The following NAALADL2 variants were observed in gnomAD, a reference collection of about 807,000 sequenced individuals.
NAALADL2 encodes the protein inactive N-acetylated-alpha-linked acidic dipeptidase-like protein 2.
In NAALADL2, 76 loss-of-function variants were observed where a neutral mutation model predicts 87.2. The ratio of observed to expected loss-of-function variants is 0.87; its 90% CI spans 0.72 to 1.05. The LOEUF (loss-of-function observed/expected upper bound fraction) is 1.05. Among genes scored for constraint, NAALADL2 ranks in the 50% least tolerant of loss-of-function variants. The pLI is 0.00. For missense variants in NAALADL2, 1,089 were observed against 945.8 expected, an observed-to-expected ratio of 1.15 and a Z score of -1.99; for synonymous variants, 354 against 331.0, an observed-to-expected ratio of 1.07 and a Z score of -0.75.
At chr3:175,535,922 A>G (rs1158711679) in intron 9 of NAALADL2, among the ~76,000 whole-genome samples, 5 of 152,154 alleles carry the variant, frequency 3.3e-5, no homozygotes, top group Non-Finnish European at 5.9e-5. Flanking sequence ...CACTTATGTG[A>G]AATGCACTAG....
In NAALADL2 at chr3:174,632,291, C is replaced by T. The variant is rs145756195; in HGVS notation, c.-115+81654C>T. Among the ~76,000 whole-genome samples, 462 of 152,154 alleles carry T rather than the reference C, an allele frequency of 3.0e-3. 5 individuals carry two copies. The highest frequency in any genetic ancestry group is 0.017 in the Middle Eastern group (5 of 292). On this transcript the variant is annotated intron_variant, in intron 2 of 3. Coordinates refer to the NAALADL2 transcript ENST00000434257. ...ACATTTTTGGGTACTGACTATTGAC[C>T]GTGCTCTATCCAGGCTTTGAGCAGT... is the stretch of plus-strand genomic sequence containing the variant.
intron 9 of NAALADL2, among the ~76,000 whole-genome samples, chr3:175,546,061 G>A (rs947078291): frequency 3.9e-5 from 6 of 152,124 alleles, no homozygotes; most frequent in African/African-American, 4.8e-5. Flanking sequence ...CAGTGAAGAA[G>A]GCAGCAGGGA....
chr3:175,215,042 C>T (rs1309762243), intron 2 of NAALADL2, among the ~76,000 whole-genome samples: 1 of 152,142 alleles, frequency 6.6e-6, no homozygotes, highest in Non-Finnish European at 1.5e-5. Context: ...TCAGCCACCA[C>T]AGCCCTCTTT....
At chr3:174,902,560 AGTAAACATTATCTAG>A (rs1247773388) in intron 1 of NAALADL2, among the ~76,000 whole-genome samples, 1 of 152,188 alleles carries the variant, frequency 6.6e-6, no homozygotes, top group African/African-American at 2.4e-5. Context: ...GAACCAAAAA[AGTAAACATTATCTAG>A]GTTCTATTAA....
At chr3:174,673,806 A>G (rs1014992043) in intron 2 of NAALADL2, among the ~76,000 whole-genome samples, 2 of 152,010 alleles carry the variant, frequency 1.3e-5, no homozygotes, top group Non-Finnish European at 2.9e-5. Context: ...AGAAGATTTA[A>G]AATGTCCCCA....
chr3:175,382,821 A>T (rs1019945313), intron 5 of NAALADL2, among the ~76,000 whole-genome samples: 2 of 151,860 alleles, frequency 1.3e-5, no homozygotes, highest in Non-Finnish European at 2.9e-5. Context: ...CCTGGGGGGA[A>T]CTCGAAGAAG....
At chr3:175,514,658 G>A (rs919741190) in intron 9 of NAALADL2, among the ~76,000 whole-genome samples, 2 of 152,152 alleles carry the variant, frequency 1.3e-5, no homozygotes, top group African/African-American at 4.8e-5. Context: ...AAGCAGCGGT[G>A]TGTTGTCTTT....
intron 2 of NAALADL2, among the ~76,000 whole-genome samples, chr3:174,662,874 A>G (rs1356091646): frequency 6.6e-6 from 1 of 152,222 alleles, no homozygotes; most frequent in Non-Finnish European, 1.5e-5. Flanking sequence ...TGCAGAGCAC[A>G]GTCTTCATGA....
chr3:175,262,575 A>AGTGTGTGTGTGTGT (rs71164625), intron 4 of NAALADL2, among the ~76,000 whole-genome samples: 154 of 147,122 alleles, frequency 1.0e-3, no homozygotes, highest in South Asian at 2.8e-3. Context: ...ATGTTGTGTG[A>AGTGTGTGTGTGTGT]GTGTGTGTGT....
intron 2 of NAALADL2, among the ~76,000 whole-genome samples, chr3:174,604,235 T>A (rs1157484518): frequency 1.3e-5 from 2 of 152,198 alleles, no homozygotes; most frequent in Non-Finnish European, 2.9e-5. Flanking sequence ...ACTTTATATA[T>A]CTAGGTGATT....
intron 1 of NAALADL2, among the ~76,000 whole-genome samples, chr3:174,982,075 G>A (rs1294470275): frequency 3.3e-5 from 5 of 152,128 alleles, no homozygotes; most frequent in Non-Finnish European, 7.4e-5. Flanking sequence ...GAAAGGAAAG[G>A]GGGAATGTGC....
At chr3:174,579,955 A>G (rs1483917078) in intron 2 of NAALADL2, among the ~76,000 whole-genome samples, 1 of 152,054 alleles carries the variant, frequency 6.6e-6, no homozygotes, top group Admixed American at 6.6e-5. Context: ...CTTTGTGATC[A>G]TATGCCCAGT....
At chr3:174,835,478 A>G (rs571148834) in intron 3 of NAALADL2, among the ~76,000 whole-genome samples, 1 of 152,150 alleles carries the variant, frequency 6.6e-6, no homozygotes, top group African/African-American at 2.4e-5. Context: ...CCAAGAATAC[A>G]AGCAATACAA....
At chr3:175,197,936 A>T (rs1209681432) in intron 2 of NAALADL2, among the ~76,000 whole-genome samples, 2 of 152,082 alleles carry the variant, frequency 1.3e-5, no homozygotes, top group Non-Finnish European at 2.9e-5. Flanking sequence ...TGAATTTTCC[A>T]TTAGATGTTT....
intron 1 of NAALADL2, among the ~76,000 whole-genome samples, chr3:174,894,544 A>G (rs774797078): frequency 7.6e-6 from 1 of 131,038 alleles, no homozygotes; most frequent in Non-Finnish European, 1.6e-5. Context: ...CAATGAGCCG[A>G]GATCATGCCA....
chr3:175,350,598 C>G (rs555334578), intron 5 of NAALADL2, among the ~76,000 whole-genome samples: 3 of 152,080 alleles, frequency 2.0e-5, no homozygotes, highest in Non-Finnish European at 4.4e-5. Context: ...CCACATTAGG[C>G]GTCTCTTTTT....
chr3:175,620,411 TAA>T (rs992512537), intron 10 of NAALADL2, among the ~76,000 whole-genome samples: 3 of 152,152 alleles, frequency 2.0e-5, no homozygotes, highest in Non-Finnish European at 2.9e-5. Context: ...ACCCGAAAAC[TAA>T]AAGAGATGCC....
Position 175,157,912 on chromosome 3 carries a change from A to G in NAALADL2, c.545+60621A>G, listed in dbSNP as rs1447034552. ...CATGAATGGACTATTCATTTAATTT[A>G]TCAAAATCTAATTTTCCTGAAAAAA... On this transcript the variant is annotated intron_variant, in intron 2 of 13. Transcript: ENST00000454872. 2.0e-5 allele frequency among the ~76,000 whole-genome samples: 3 copies of G among 152,238 alleles called. No individual in the cohort carries two copies. In the East Asian group the frequency reaches 5.8e-4, roughly 29 times the overall value.
intron 9 of NAALADL2, among the ~76,000 whole-genome samples, chr3:175,474,052 A>T (rs531231706): frequency 6.6e-6 from 1 of 152,252 alleles, no homozygotes; most frequent in African/African-American, 2.4e-5. Flanking sequence ...TTTCACCACA[A>T]TCTATGCCAA....
Sources: gnomAD v4.1 joint callset for allele counts (sites outside exome capture counted in the v4.1 genomes callset) on GRCh38, gnomAD v4.1.1 for gene constraint, MANE v1.5 for transcripts, NCBI Gene and HGNC (gene_info 2026-07-23, HGNC 2026-07-21) for gene names.